The following ALG12 variants were observed in gnomAD, a reference collection of about 807,000 sequenced individuals.
ALG12 encodes the protein ALG12 alpha-1,6-mannosyltransferase.
Under a neutral mutation model 46.0 loss-of-function variants are expected in ALG12, and 36 were observed. The observed-to-expected ratio is 0.78, with a 90% confidence interval of 0.60 to 1.03. ALG12 has a LOEUF of 1.03. Among genes scored for constraint, ALG12 ranks in the 50% least tolerant of loss-of-function variants. The probability of loss-of-function intolerance (pLI) is 0.00; values close to 1 mark genes in which losing one functional copy is unlikely to be tolerated. For synonymous variants in ALG12, 326 were observed against 291.6 expected, an observed-to-expected ratio of 1.12 and a Z score of -1.20; for missense variants, 599 against 633.5, an observed-to-expected ratio of 0.95 and a Z score of 0.58.
downstream of ALG12, among the ~76,000 whole-genome samples, chr22:49,895,903 C>G (rs1179587762): frequency 2.0e-5 from 3 of 152,176 alleles, no homozygotes; most frequent in Non-Finnish European, 4.4e-5. Context: ...AGATTAGATT[C>G]ACTCAGCCAT....
the ALG12 span, among the ~76,000 whole-genome samples, chr22:49,861,832 C>T: frequency 2.0e-5 from 3 of 152,194 alleles, no homozygotes; most frequent in South Asian, 4.1e-4. Context: ...CTGTGACTGA[C>T]GTTGCCGTGT....
chr22:49,869,852 C>T, the ALG12 span, among the ~76,000 whole-genome samples: 1 of 152,170 alleles, frequency 6.6e-6, no homozygotes, highest in South Asian at 2.1e-4. Context: ...GGCACATGTG[C>T]AGGTTCACGA....
chr22:49,916,480 C>T (rs892909469), intron 1 of ALG12, among the ~76,000 whole-genome samples: 1 of 151,900 alleles, frequency 6.6e-6, no homozygotes, highest in Non-Finnish European at 1.5e-5. Flanking sequence ...ACTTGGAAGG[C>T]AGAGGAGGAG....
chr22:49,887,225 T>A, the ALG12 span: 1 of 1,554,602 alleles, frequency 6.4e-7, no homozygotes, highest in East Asian at 2.2e-5. Flanking sequence ...GCCCCAGCGT[T>A]AGCAGCCTGT....
At chr22:49,875,340 T>C in the ALG12 span, among the ~76,000 whole-genome samples, 1 of 152,138 alleles carries the variant, frequency 6.6e-6, no homozygotes, top group African/African-American at 2.4e-5. Flanking sequence ...AAAAGGCTAA[T>C]CAGCTTATTC....
chr22:49,913,248 C>T, intron 3 of ALG12, 137 bp downstream of exon 3: 1 of 1,387,798 alleles, frequency 7.2e-7, no homozygotes, highest in Non-Finnish European at 1.0e-6. Context: ...CTGCTCTGAG[C>T]CGCCATGCCA....
At chr22:49,907,608 G>C (rs1428934196) in intron 7 of ALG12, 113 bp downstream of exon 7, 14 of 1,249,252 alleles carry the variant, frequency 1.1e-5, no homozygotes, top group Admixed American at 4.0e-5. Context: ...CTGGGCGACA[G>C]AGCAAGACCC....
the ALG12 span, among the ~76,000 whole-genome samples, chr22:49,880,564 C>A: frequency 6.6e-6 from 1 of 152,244 alleles, no homozygotes; most frequent in African/African-American, 2.4e-5. Flanking sequence ...TCTCTCTCAG[C>A]GTCTGAAAAC....
In ALG12 at chr22:49,902,172, CTGTGTGTGG is replaced by C. The variant is rs1569171670; in HGVS notation, c.*1657_*1665del. The C allele has an allele frequency of 1.6e-5, 2 of 122,714 alleles. No individual in the cohort carries two copies. 7.6% of individuals were successfully genotyped at this position (122,714 alleles called of 1,614,324 possible). On this transcript the variant is annotated 3_prime_UTR_variant, in exon 10 of 10. Coordinates refer to ENST00000330817, the MANE Select transcript of ALG12 (RefSeq NM_024105.4). ...TATGCATGGTGTGTGCACGTGTGCA[CTGTGTGTGG>C]TGTGTATGCATGGTGTGTGCACATG...
At chr22:49,889,993 T>C in the ALG12 span, 2 of 167,050 alleles carry the variant, frequency 1.2e-5, no homozygotes, top group African/African-American at 4.8e-5. Flanking sequence ...AAATTACCAG[T>C]CATTATACGA....
chr22:49,891,930 CA>C, the ALG12 span, among the ~76,000 whole-genome samples: 1 of 152,052 alleles, frequency 6.6e-6, no homozygotes, highest in African/African-American at 2.4e-5. Flanking sequence ...GCTATCAGAC[CA>C]AACCTTTCCC....
chr22:49,916,504 C>T (rs1329454434), intron 1 of ALG12, among the ~76,000 whole-genome samples: 2 of 152,112 alleles, frequency 1.3e-5, no homozygotes, highest in African/African-American at 2.4e-5. Flanking sequence ...TGCTTGAACT[C>T]GGGAGGCAGA....
chr22:49,859,640 G>C, the ALG12 span, among the ~76,000 whole-genome samples: 149,516 of 152,348 alleles, frequency 0.98, 73,374 homozygotes, highest in East Asian at 1. Context: ...TTAATGCCCT[G>C]TTCGCGGACA....
At chr22:49,859,349 A>G in the ALG12 span, among the ~76,000 whole-genome samples, 1 of 151,914 alleles carries the variant, frequency 6.6e-6, no homozygotes, top group Non-Finnish European at 1.5e-5. Flanking sequence ...TATTTATTCC[A>G]TGTCATAATC....
intron 7 of ALG12, among the ~76,000 whole-genome samples, chr22:49,904,752 A>G (rs2060533912): frequency 6.6e-6 from 1 of 152,034 alleles, no homozygotes. Context: ...ATATATATAT[A>G]TTTTTGAGAC....
chr22:49,868,763 A>G, the ALG12 span, among the ~76,000 whole-genome samples: 2 of 152,068 alleles, frequency 1.3e-5, no homozygotes, highest in African/African-American at 4.8e-5. Context: ...GGTTGAGCAA[A>G]TGAGGAAATC....
the ALG12 span, among the ~76,000 whole-genome samples, chr22:49,860,857 C>T: frequency 6.6e-6 from 1 of 151,366 alleles, no homozygotes; most frequent in Non-Finnish European, 1.5e-5. Flanking sequence ...TGGCTCACTG[C>T]ATCCTCGGCC....
the ALG12 span, among the ~76,000 whole-genome samples, chr22:49,877,392 A>G: frequency 6.6e-6 from 1 of 151,964 alleles, no homozygotes; most frequent in Non-Finnish European, 1.5e-5. Flanking sequence ...CCCAGGCTCA[A>G]ATGATTCTCC....
chr22:49,917,527 CG>C (rs1334327429), intron 1 of ALG12, among the ~76,000 whole-genome samples: 1 of 152,010 alleles, frequency 6.6e-6, no homozygotes, highest in Admixed American at 6.6e-5. Flanking sequence ...AAAAATTAGC[CG>C]GACCTGGTGG....
Sources: gnomAD v4.1 joint callset for allele counts (sites outside exome capture counted in the v4.1 genomes callset) on GRCh38, gnomAD v4.1.1 for gene constraint, MANE v1.5 for transcripts, NCBI Gene and HGNC (gene_info 2026-07-23, HGNC 2026-07-21) for gene names.